CLSTN2: variants seen among roughly 807,000 people sequenced by gnomAD.
CLSTN2 encodes the protein calsyntenin-2.
In CLSTN2, 48 loss-of-function variants were observed where a neutral mutation model predicts 101.2. That is an observed-to-expected ratio of 0.47 (90% CI 0.38 to 0.60). The LOEUF (loss-of-function observed/expected upper bound fraction) is 0.60, where lower values mean the gene tolerates loss of function less well. Among genes scored for constraint, CLSTN2 ranks in the 20% least tolerant of loss-of-function variants. The pLI is 0.00. For missense variants in CLSTN2, 1,160 were observed against 1,238.2 expected (o/e 0.94, Z 0.95); for synonymous variants, 481 against 463.6 (o/e 1.04, Z -0.48).
In CLSTN2 at chr3:140,348,458, CA is replaced by C. The variant is rs1208685548; in HGVS notation, c.233-55170del. Among the ~76,000 whole-genome samples, 4 of 152,108 alleles carry C rather than the reference CA, an allele frequency of 2.6e-5. No homozygotes were observed. In the East Asian group the frequency reaches 7.7e-4, roughly 29 times the overall value. On this transcript the variant is annotated intron_variant, in intron 2 of 16. Coordinates refer to ENST00000458420, the MANE Select transcript of CLSTN2 (RefSeq NM_022131.3). ...TCTTTCTTCATCCTTGTGTCCAGGC[CA>C]GGGCAGTACCCCCTACCCCAGTCAC...
In CLSTN2 at chr3:140,566,348, G is replaced by A; in HGVS notation, c.*95G>A. ...ATCATACCTCACCTCTGATGTCTGT[G>A]ACATGTCTGGGAAGGCCTTCTCCAG... On this transcript the variant is annotated 3_prime_UTR_variant, in exon 17 of 17. Coordinates refer to ENST00000458420, the MANE Select transcript of CLSTN2 (RefSeq NM_022131.3). The A allele has an allele frequency of 7.8e-7, 1 of 1,285,890 alleles. No individual in the cohort carries two copies. Among genetic ancestry groups the A allele is most frequent in the East Asian group, 2.5e-5 (1 of 39,536 alleles). 79.7% of individuals were successfully genotyped at this position (1,285,890 alleles called of 1,614,324 possible). A position where few individuals can be genotyped will look rare whatever the true frequency, so the allele number is the denominator to read the frequency against.
chr3:140,457,159 T>TGGCAAA (rs1933422305), intron 6 of CLSTN2, among the ~76,000 whole-genome samples: 1 of 152,218 alleles, frequency 6.6e-6, no homozygotes, highest in Non-Finnish European at 1.5e-5. Context: ...CTCCACATGG[T>TGGCAAA]GGCAAAGCTG....
intron 9 of CLSTN2, among the ~76,000 whole-genome samples, chr3:140,533,429 G>A (rs1158246336): frequency 6.6e-6 from 1 of 152,168 alleles, no homozygotes; most frequent in East Asian, 1.9e-4. Context: ...GAATATGCCG[G>A]CCGTGCACAG....
chr3:140,038,334 C>T (rs2007698626), intron 1 of CLSTN2, among the ~76,000 whole-genome samples: 1 of 152,090 alleles, frequency 6.6e-6, no homozygotes, highest in Admixed American at 6.6e-5. Context: ...TTCTTGGCCA[C>T]ATGAGTGTCT....
chr3:140,206,630 A>C (rs1373448722), intron 2 of CLSTN2, among the ~76,000 whole-genome samples: 2 of 152,188 alleles, frequency 1.3e-5, no homozygotes, highest in African/African-American at 4.8e-5. Context: ...CCTCTTTTAA[A>C]TAATGAAGTA....
chr3:140,364,760 ATG>A (rs2087766721), intron 2 of CLSTN2, among the ~76,000 whole-genome samples: 1 of 152,162 alleles, frequency 6.6e-6, no homozygotes, highest in Non-Finnish European at 1.5e-5. Context: ...TTTGAGGAAA[ATG>A]TGTATTACAG....
intron 1 of CLSTN2, among the ~76,000 whole-genome samples, chr3:139,960,097 C>T (rs1935481088): frequency 6.6e-6 from 1 of 152,092 alleles, no homozygotes; most frequent in African/African-American, 2.4e-5. Flanking sequence ...GCTTAAACAC[C>T]AGCTTTTAGT....
At chr3:140,147,366 T>C (rs578220080) in intron 1 of CLSTN2, among the ~76,000 whole-genome samples, 1 of 152,358 alleles carries the variant, frequency 6.6e-6, no homozygotes, top group African/African-American at 2.4e-5. Flanking sequence ...CTTTCGGGAA[T>C]GTCAGCTTCT....
At chr3:140,391,153 C>T (rs149894503) in intron 2 of CLSTN2, among the ~76,000 whole-genome samples, 1 of 152,272 alleles carries the variant, frequency 6.6e-6, no homozygotes, top group South Asian at 2.1e-4. Flanking sequence ...GGATTCTACT[C>T]TCACACTCAG....
intron 2 of CLSTN2, among the ~76,000 whole-genome samples, chr3:140,349,312 A>G (rs2087582558): frequency 6.6e-6 from 1 of 152,192 alleles, no homozygotes; most frequent in African/African-American, 2.4e-5. Flanking sequence ...AGAATGGACT[A>G]ATGCACTATG....
chr3:139,976,287 A>C (rs1382467076), intron 1 of CLSTN2, among the ~76,000 whole-genome samples: 1 of 152,180 alleles, frequency 6.6e-6, no homozygotes, highest in Non-Finnish European at 1.5e-5. Context: ...TCCAGGAATT[A>C]AAGGCCTTCC....
chr3:140,118,861 T>G (rs2107798286), intron 1 of CLSTN2, among the ~76,000 whole-genome samples: 1 of 152,354 alleles, frequency 6.6e-6, no homozygotes, highest in South Asian at 2.1e-4. Flanking sequence ...TTGCAATCAT[T>G]ATTATCACTT....
chr3:140,180,032 T>C (rs539164423), intron 2 of CLSTN2, among the ~76,000 whole-genome samples: 3 of 152,360 alleles, frequency 2.0e-5, no homozygotes, highest in Non-Finnish European at 4.4e-5. Context: ...GATTTAGTAG[T>C]AGCCTTGCTG....
At chr3:140,249,197 C>T (rs935084791) in intron 2 of CLSTN2, among the ~76,000 whole-genome samples, 29 of 152,230 alleles carry the variant, frequency 1.9e-4, no homozygotes, top group South Asian at 6.2e-4. Context: ...ACAAACAGGG[C>T]CCAGAGAGAG....
intron 1 of CLSTN2, among the ~76,000 whole-genome samples, chr3:139,977,578 G>T (rs953916162): frequency 6.6e-6 from 1 of 152,124 alleles, no homozygotes; most frequent in African/African-American, 2.4e-5. Context: ...TTGGCATCAG[G>T]GTGGCTGAGT....
At chr3:140,209,428 C>G (rs952406294) in intron 2 of CLSTN2, among the ~76,000 whole-genome samples, 1 of 152,084 alleles carries the variant, frequency 6.6e-6, no homozygotes, top group Non-Finnish European at 1.5e-5. Flanking sequence ...TAAAAAATTT[C>G]CATTTCATTG....
chr3:140,278,235 G>A (rs551173713), intron 2 of CLSTN2, among the ~76,000 whole-genome samples: 3 of 152,262 alleles, frequency 2.0e-5, no homozygotes, highest in African/African-American at 7.2e-5. Context: ...AAAGAAGTAG[G>A]GCCAGAACCA....
intron 2 of CLSTN2, among the ~76,000 whole-genome samples, chr3:140,205,772 G>A (rs981945340): frequency 3.3e-5 from 5 of 152,126 alleles, no homozygotes; most frequent in African/African-American, 7.2e-5. Context: ...ACCAAAGGGC[G>A]ATAAGGCAGG....
At chr3:140,234,492 C>T (rs1184503382) in intron 2 of CLSTN2, among the ~76,000 whole-genome samples, 1 of 152,110 alleles carries the variant, frequency 6.6e-6, no homozygotes, top group African/African-American at 2.4e-5. Context: ...CATCTAGCTA[C>T]CAAGGTCATA....
Sources: allele counts gnomAD v4.1 joint callset (sites outside exome capture counted in the v4.1 genomes callset), GRCh38; gene constraint gnomAD v4.1.1; transcripts MANE v1.5; gene names NCBI Gene and HGNC (gene_info 2026-07-23, HGNC 2026-07-21).